B4GALT1: variants seen among roughly 807,000 people sequenced by gnomAD.
The protein encoded by B4GALT1 is beta-1,4-galactosyltransferase 1, also known as N-acetyllactosamine synthase.
A neutral mutation model predicts 34.9 loss-of-function variants in B4GALT1; 16 were observed. That is an observed-to-expected ratio of 0.46 (90% CI 0.31 to 0.70). The LOEUF is 0.70. Among genes scored for constraint, B4GALT1 ranks in the 30% least tolerant of loss-of-function variants. The probability of loss-of-function intolerance (pLI) is 0.05; values close to 1 mark genes in which losing one functional copy is unlikely to be tolerated. For synonymous variants in B4GALT1, 221 were observed against 218.1 expected (o/e 1.01, Z -0.12); for missense variants, 445 against 530.5 (o/e 0.84, Z 1.58).
In B4GALT1 at chr9:33,166,979, G is replaced by A; in HGVS notation, c.191C>T (p.Ser64Leu). 1 of 1,586,186 alleles carries A rather than the reference G, an allele frequency of 6.3e-7. No individual in the cohort carries two copies. The highest frequency in any genetic ancestry group is 8.5e-7 in the Non-Finnish European group (1 of 1,173,010). The change falls in exon 1 of 6, where the codon TCG becomes TTG. Residue 64 changes from serine (S) to leucine (L), a missense_variant. Physicochemically the swap from Ser to Leu is moderately radical, Grantham distance 145 (BLOSUM62 -2). Around this residue, in one of 3 missense-constraint regions of B4GALT1, gnomAD observed 349 missense variants for 395.5 expected, o/e 0.88. Coordinates refer to ENST00000379731, the MANE Select transcript of B4GALT1 (RefSeq NM_001497.4). ...VGVSTPLQGG[S>L]NSAAAIGQSS... ...CTGCCCGATGGCGGCGGCACTGTTC[G>A]AGCCGCCCTGCAGCGGTGTGGAGAC...
intron 2 of B4GALT1, among the ~76,000 whole-genome samples, chr9:33,127,252 C>T (rs1840126104): frequency 6.6e-6 from 1 of 152,142 alleles, no homozygotes; most frequent in South Asian, 2.1e-4. Context: ...TGTGAGCCAC[C>T]ACGCCCAGCC....
intron 3 of B4GALT1, among the ~76,000 whole-genome samples, chr9:33,116,837 T>C (rs1459611330): frequency 6.6e-6 from 1 of 152,112 alleles, no homozygotes; most frequent in Non-Finnish European, 1.5e-5. Context: ...TAAAGCTTTT[T>C]TGATGGTGGG....
chr9:33,116,458 G>A lies in B4GALT1; in HGVS notation c.837-345C>T, dbSNP rs546785381. Among the ~76,000 whole-genome samples the A allele has an allele frequency of 2.7e-4, 40 of 149,636 alleles. 1 individual carries two copies. The highest frequency in any genetic ancestry group is 8.1e-4 in the African/African-American group (33 of 40,720). On this transcript the variant is annotated intron_variant, in intron 3 of 5. Coordinates refer to ENST00000379731, the MANE Select transcript of B4GALT1 (RefSeq NM_001497.4). ...AGGATGGTCTTGATCTCTTAACCTC[G>A]TGATCCACCGGCCTCGGCCTCCCAA...
At chr9:33,144,231 T>G (rs1840393588) in intron 1 of B4GALT1, among the ~76,000 whole-genome samples, 1 of 151,680 alleles carries the variant, frequency 6.6e-6, no homozygotes, top group African/African-American at 2.4e-5. Context: ...AGTTCCATTT[T>G]CTCTTTATTT....
chr9:33,114,833 GA>G (rs909668609), intron 4 of B4GALT1, among the ~76,000 whole-genome samples: 7 of 152,120 alleles, frequency 4.6e-5, no homozygotes, highest in African/African-American at 1.7e-4. Context: ...TATCTTTCAA[GA>G]AAGTTGCTCC....
At chr9:33,139,063 G>C (rs1008808538) in intron 1 of B4GALT1, among the ~76,000 whole-genome samples, 6 of 152,212 alleles carry the variant, frequency 3.9e-5, no homozygotes, top group Admixed American at 3.9e-4. Flanking sequence ...CACCAAGCCA[G>C]AGAGTCTTTA....
At chr9:33,161,336 CCCCCAAG>C (rs1298252955) in intron 1 of B4GALT1, among the ~76,000 whole-genome samples, 2 of 152,050 alleles carry the variant, frequency 1.3e-5, no homozygotes, top group African/African-American at 2.4e-5. Flanking sequence ...CTGTCCCCCA[CCCCCAAG>C]CCCCACTCTC....
In B4GALT1 at chr9:33,113,287, A is replaced by G; in HGVS notation, c.*167T>C. The G allele has an allele frequency of 9.7e-7, 1 of 1,034,514 alleles. No individual in the cohort carries two copies. Among genetic ancestry groups the G allele is most frequent in the Non-Finnish European group, 1.5e-6 (1 of 681,096 alleles). The allele number at this position is 1,034,514 out of a possible 1,614,324, so 64.1% of individuals were successfully genotyped here. ...TCACATGCCGAGCCAAGTTGGGGGCAAAATATCCCACTCGTCCTGGTCATC... is the reference window on the plus strand; with the variant it reads ...TCACATGCCGAGCCAAGTTGGGGGCGAAATATCCCACTCGTCCTGGTCATC... On this transcript the variant is annotated 3_prime_UTR_variant, in exon 6 of 6. Coordinates refer to ENST00000379731, the MANE Select transcript of B4GALT1 (RefSeq NM_001497.4).
chr9:33,125,450 T>C (rs1204707481), intron 2 of B4GALT1, among the ~76,000 whole-genome samples: 1 of 152,134 alleles, frequency 6.6e-6, no homozygotes, highest in Non-Finnish European at 1.5e-5. Flanking sequence ...ATGGTTTATA[T>C]GTCAAGGAGG....
At chr9:33,173,041 C>T in the B4GALT1 span, among the ~76,000 whole-genome samples, 27 of 152,228 alleles carry the variant, frequency 1.8e-4, no homozygotes, top group South Asian at 4.2e-4. Context: ...TGAAGTAGGG[C>T]AACCGAGTAC....
At chr9:33,106,540 C>T (rs924465991), downstream of B4GALT1, among the ~76,000 whole-genome samples, 6 of 152,176 alleles carry the variant, frequency 3.9e-5, no homozygotes, top group African/African-American at 1.4e-4. Flanking sequence ...CAAAGAAGCA[C>T]TTCTGAGGGA....
chr9:33,107,801 A>G (rs960042535), downstream of B4GALT1, among the ~76,000 whole-genome samples: 4 of 151,310 alleles, frequency 2.6e-5, no homozygotes, highest in African/African-American at 9.7e-5. Context: ...AGGGGGTTAA[A>G]CCTCTTTCCC....
At chr9:33,178,258 C>T in the B4GALT1 span, among the ~76,000 whole-genome samples, 20 of 152,160 alleles carry the variant, frequency 1.3e-4, no homozygotes, top group Non-Finnish European at 2.8e-4. Context: ...TCCCAAAGTG[C>T]TGGGATTACA....
chr9:33,115,874 G>T, intron 4 of B4GALT1, 117 bp downstream of exon 4: 1 of 1,347,836 alleles, frequency 7.4e-7, no homozygotes, highest in African/African-American at 1.4e-5. Flanking sequence ...AAGAATGTGG[G>T]CTGACTAGGG....
chr9:33,154,592 C>T (rs10758193), intron 1 of B4GALT1, among the ~76,000 whole-genome samples: 149,160 of 152,352 alleles, frequency 0.98, 73,068 homozygotes, highest in East Asian at 1. Context: ...CATTATCTTT[C>T]GTTCAGTGAT....
chr9:33,135,505 G>GC, intron 1 of B4GALT1, 81 bp from the exon 2 acceptor site: 1 of 1,327,878 alleles, frequency 7.5e-7, no homozygotes, highest in Non-Finnish European at 1.1e-6. Flanking sequence ...TGGCCAGGCT[G>GC]CAGCTGCAGC....
At chr9:33,121,807 G>T (rs916032416) in intron 2 of B4GALT1, among the ~76,000 whole-genome samples, 1 of 152,082 alleles carries the variant, frequency 6.6e-6, no homozygotes, top group South Asian at 2.1e-4. Flanking sequence ...AATGAATGGG[G>T]TTCAACATAC....
intron 1 of B4GALT1, among the ~76,000 whole-genome samples, chr9:33,135,890 A>AGAGTGTGTGTGTGTGT (rs1554686806): frequency 1.2e-4 from 12 of 104,154 alleles, no homozygotes; most frequent in African/African-American, 3.0e-4. Flanking sequence ...TAACTGGGGA[A>AGAGTGTGTGTGTGTGT]GTGTGTGTGT....
intron 1 of B4GALT1, among the ~76,000 whole-genome samples, chr9:33,142,949 A>G (rs1840374451): frequency 2.0e-5 from 3 of 152,130 alleles, no homozygotes; most frequent in African/African-American, 7.2e-5. Flanking sequence ...GTTCGAGACC[A>G]GCCTGGCCAA....
Sources: gnomAD v4.1 joint callset for allele counts (sites outside exome capture counted in the v4.1 genomes callset) on GRCh38, gnomAD v4.1.1 for gene constraint, gnomAD v4.1.1 regional missense constraint, MANE v1.5 for transcripts, NCBI Gene and HGNC (gene_info 2026-07-23, HGNC 2026-07-21) for gene names.